GMDS: variants seen among roughly 807,000 people sequenced by gnomAD.
GMDS encodes the protein GDP-mannose 4,6 dehydratase.
GMDS carries 20 observed loss-of-function variants against 49.9 expected under a neutral mutation model. That is an observed-to-expected ratio of 0.40 (90% CI 0.28 to 0.58). The LOEUF is 0.58. GMDS is among the 20% of genes least tolerant of loss of function. GMDS has a pLI of 0.42. For synonymous variants in GMDS, 177 were observed against 178.6 expected (o/e 0.99, Z 0.07); for missense variants, 362 against 481.4 (o/e 0.75, Z 2.32).
intron 1 of GMDS, among the ~76,000 whole-genome samples, chr6:2,233,747 TG>T (rs1223041264): frequency 5.3e-5 from 8 of 151,926 alleles, no homozygotes; most frequent in Non-Finnish European, 1.0e-4. Flanking sequence ...TTGATCCCGG[TG>T]GGGGGCGCCG....
chr6:2,036,571 T>C (rs774897290), intron 4 of GMDS, among the ~76,000 whole-genome samples: 5 of 152,184 alleles, frequency 3.3e-5, no homozygotes, highest in Non-Finnish European at 7.3e-5. Flanking sequence ...GCGTTACCCA[T>C]TATCATACTT....
chr6:1,860,421 A>T (rs139688051), intron 7 of GMDS, among the ~76,000 whole-genome samples: 1 of 152,330 alleles, frequency 6.6e-6, no homozygotes, highest in East Asian at 1.9e-4. Flanking sequence ...AAGGAAAAAC[A>T]TTAGGGCAGA....
rs151164564 is a variant in GMDS at position 2,235,726 on chromosome 6, C to T, written c.102+9595G>A. On this transcript the variant is annotated intron_variant, in intron 1 of 10. Coordinates refer to ENST00000380815, the MANE Select transcript of GMDS (RefSeq NM_001500.4). ...TCTCGGGAGGCTGAGGCCAAAGGATCGCTTGAGCCCAGGAGGTTGAGGCTC... is the reference window on the plus strand; with the variant it reads ...TCTCGGGAGGCTGAGGCCAAAGGATTGCTTGAGCCCAGGAGGTTGAGGCTC... 4.8e-4 allele frequency among the ~76,000 whole-genome samples: 73 copies of T among 151,572 alleles called. No homozygotes were observed. In the Middle Eastern group the frequency reaches 0.01, roughly 21 times the overall value.
intron 9 of GMDS, among the ~76,000 whole-genome samples, chr6:1,709,239 C>T (rs190598375): frequency 3.3e-4 from 50 of 152,320 alleles, no homozygotes; most frequent in East Asian, 1.5e-3. Context: ...TGCTGAGGGG[C>T]CTGGCTAGAA....
chr6:1,670,369 G>GT (rs1561715147), intron 9 of GMDS, among the ~76,000 whole-genome samples: 96 of 140,852 alleles, frequency 6.8e-4, no homozygotes, highest in East Asian at 6.5e-3. Context: ...GGTTTTTTTT[G>GT]GTTTTTTTTT....
At chr6:1,696,582 C>G (rs12210143) in intron 9 of GMDS, among the ~76,000 whole-genome samples, 11,064 of 152,186 alleles carry the variant, frequency 0.073, 534 homozygotes, top group East Asian at 0.14. Flanking sequence ...TCATAGACAT[C>G]ATTTCTATTT....
intron 4 of GMDS, among the ~76,000 whole-genome samples, chr6:2,069,654 A>G (rs944972208): frequency 9.2e-5 from 14 of 152,336 alleles, no homozygotes; most frequent in African/African-American, 2.2e-4. Flanking sequence ...GCAGCCAAAA[A>G]ACACATGAAG....
chr6:2,029,170 A>T (rs1768804589), intron 4 of GMDS, among the ~76,000 whole-genome samples: 1 of 152,186 alleles, frequency 6.6e-6, no homozygotes, highest in African/African-American at 2.4e-5. Flanking sequence ...ATATTAATCT[A>T]AATTTAATTG....
intron 7 of GMDS, among the ~76,000 whole-genome samples, chr6:1,901,352 C>T (rs1051065712): frequency 3.3e-5 from 5 of 152,086 alleles, no homozygotes; most frequent in Non-Finnish European, 5.9e-5. Context: ...GGCTTGGTAA[C>T]GAGATGTTCT....
At chr6:2,200,667 A>T (rs1481190769) in intron 1 of GMDS, among the ~76,000 whole-genome samples, 10 of 122,838 alleles carry the variant, frequency 8.1e-5, no homozygotes, top group Admixed American at 2.6e-4. Context: ...ATCCGAGATG[A>T]AACCATCTAG....
At chr6:1,818,608 CAAAA>C (rs564065617) in intron 7 of GMDS, among the ~76,000 whole-genome samples, 2 of 49,298 alleles carry the variant, frequency 4.1e-5, no homozygotes, top group Non-Finnish European at 8.6e-5. Flanking sequence ...GACTTCATCT[CAAAA>C]AAAAAAAAAA....
chr6:2,160,623 C>T (rs1263315142), intron 1 of GMDS, among the ~76,000 whole-genome samples: 1 of 152,148 alleles, frequency 6.6e-6, no homozygotes, highest in Non-Finnish European at 1.5e-5. Flanking sequence ...CTCGCTACAG[C>T]CTCAACCACC....
chr6:2,190,308 T>C (rs1048095732), intron 1 of GMDS, among the ~76,000 whole-genome samples: 4 of 152,218 alleles, frequency 2.6e-5, no homozygotes, highest in African/African-American at 9.6e-5. Context: ...TTTCTCACTT[T>C]TGTTTAAAAA....
At chr6:1,806,169 C>G (rs1770168264) in intron 7 of GMDS, among the ~76,000 whole-genome samples, 1 of 152,090 alleles carries the variant, frequency 6.6e-6, no homozygotes, top group Non-Finnish European at 1.5e-5. Context: ...GGGTAATCAA[C>G]TTTTCTCTCC....
rs564039800 is a variant in GMDS at position 2,094,054 on chromosome 6, A to G, written c.345+21717T>C. On this transcript the variant is annotated intron_variant, in intron 4 of 10. Transcript: ENST00000380815. ...TAATGAAATGTGGGCCTTTGTGCGG[A>G]AACAGGGAGATTCTCAACTGGCTAA... 2.0e-5 allele frequency among the ~76,000 whole-genome samples: 3 copies of G among 152,292 alleles called. No individual in the cohort carries two copies. In the East Asian group the frequency reaches 5.8e-4, roughly 29 times the overall value.
At chr6:1,889,497 C>T (rs1373346471) in intron 7 of GMDS, among the ~76,000 whole-genome samples, 1 of 152,174 alleles carries the variant, frequency 6.6e-6, no homozygotes, top group African/African-American at 2.4e-5. Flanking sequence ...TTCACTTCCA[C>T]GGCTTCGACT....
At chr6:1,821,837 C>G (rs1021850110) in intron 7 of GMDS, among the ~76,000 whole-genome samples, 4 of 151,912 alleles carry the variant, frequency 2.6e-5, no homozygotes, top group Non-Finnish European at 4.4e-5. Flanking sequence ...GTGGCGGGCT[C>G]AGTCTTGCGG....
chr6:1,834,152 CA>C (rs1367289728), intron 7 of GMDS, among the ~76,000 whole-genome samples: 1 of 152,098 alleles, frequency 6.6e-6, no homozygotes, highest in Non-Finnish European at 1.5e-5. Flanking sequence ...GAAATTAAAA[CA>C]GATGATATTA....
intron 6 of GMDS, among the ~76,000 whole-genome samples, chr6:1,931,661 T>C (rs1016840306): frequency 5.9e-5 from 9 of 152,232 alleles, no homozygotes; most frequent in Non-Finnish European, 1.2e-4. Context: ...GAATTAAATT[T>C]AGGTTTTTTG....
Sources: allele counts gnomAD v4.1 joint callset (sites outside exome capture counted in the v4.1 genomes callset), GRCh38; gene constraint gnomAD v4.1.1; transcripts MANE v1.5; gene names NCBI Gene and HGNC (gene_info 2026-07-23, HGNC 2026-07-21).